Variants in STXBP4 observed in about 807,000 individuals in gnomAD.
STXBP4 encodes syntaxin binding protein 4.
In STXBP4, 55 loss-of-function variants were observed where a neutral mutation model predicts 76.1. The observed-to-expected ratio is 0.72, with a 90% CI of 0.58 to 0.91. The LOEUF (loss-of-function observed/expected upper bound fraction) is 0.91. Ranked by LOEUF, STXBP4 falls within the 40% of genes least tolerant of loss-of-function variation. The pLI, the probability that STXBP4 is intolerant of heterozygous loss-of-function variation, is 0.00. For synonymous variants in STXBP4, 201 were observed against 220.2 expected, an observed-to-expected ratio of 0.91 and a Z score of 0.77; for missense variants, 618 against 636.9, an observed-to-expected ratio of 0.97 and a Z score of 0.32.
the STXBP4 span, among the ~76,000 whole-genome samples, chr17:55,212,566 G>A: frequency 6.6e-6 from 1 of 151,976 alleles, no homozygotes; most frequent in South Asian, 2.1e-4. Context: ...ATTCTCTTTT[G>A]TGTATCTCAG....
At chr17:54,994,758 T>C (rs2077773551) in intron 4 of STXBP4, among the ~76,000 whole-genome samples, 1 of 152,046 alleles carries the variant, frequency 6.6e-6, no homozygotes, top group Non-Finnish European at 1.5e-5. Context: ...TCTCCATCAC[T>C]ATGCTTCCAG....
intron 17 of STXBP4, among the ~76,000 whole-genome samples, chr17:55,159,554 G>A (rs1157496894): frequency 1.3e-5 from 2 of 152,206 alleles, no homozygotes; most frequent in East Asian, 1.9e-4. Context: ...ATACTGAAAC[G>A]AAAGGAGTTA....
In STXBP4 at chr17:55,159,797, T is replaced by A. The variant is rs1471174226; in HGVS notation, c.1548T>A (p.Asn516Lys). 7.5e-6 allele frequency: 12 copies of A among 1,596,098 alleles called. No individual in the cohort carries two copies. The highest frequency in any genetic ancestry group is 1.0e-5 in the Non-Finnish European group (12 of 1,164,522). ...TAATTGCATTCTTGTTCTTCTCAAG[T>A]CATGTAACACAGACTACATCCTGGA... ...YTADGIKYFI[N>K]HVTQTTSWIH... Residue 516 changes from asparagine (N) to lysine (K), a missense_variant and splice_region_variant, in exon 18 of 18, where the codon AAT becomes AAA. Coordinates refer to ENST00000376352, the MANE Select transcript of STXBP4 (RefSeq NM_178509.6).
intron 8 of STXBP4, among the ~76,000 whole-genome samples, chr17:55,013,848 G>A (rs1054946917): frequency 2.0e-5 from 3 of 152,156 alleles, no homozygotes; most frequent in Non-Finnish European, 4.4e-5. Context: ...TGGGTTCAAA[G>A]GATCTTCAAA....
chr17:55,118,847 T>C (rs939913931), intron 16 of STXBP4, among the ~76,000 whole-genome samples: 1 of 151,594 alleles, frequency 6.6e-6, no homozygotes, highest in African/African-American at 2.4e-5. Context: ...GATAGTAATT[T>C]TTTAAAATTT....
intron 12 of STXBP4, among the ~76,000 whole-genome samples, chr17:55,057,769 G>GT (rs2078947209): frequency 6.6e-6 from 1 of 152,074 alleles, no homozygotes; most frequent in African/African-American, 2.4e-5. Context: ...TGTTCTCATT[G>GT]TTCAACTCTC....
At position 55,173,110 on chromosome 17, in the gene STXBP4, G is replaced by T. The variant is rs1279333616; in HGVS notation, c.*13199G>T. The T allele has an allele frequency of 6.6e-6, 1 of 152,192 alleles. No individual in the cohort carries two copies. Among genetic ancestry groups the T allele is most frequent in the Non-Finnish European group, 1.5e-5 (1 of 68,038 alleles). 9.4% of individuals were successfully genotyped at this position (152,192 alleles called of 1,614,324 possible). On this transcript the variant is annotated 3_prime_UTR_variant, in exon 18 of 18. Transcript: ENST00000376352. ...TAGGATTGGAAATTCCCAGAAAGCT[G>T]TGTCAGCAATGAGATTTGTTTCATT...
rs1171061648 is a variant in STXBP4 at position 55,160,489 on chromosome 17, C to G, written c.*578C>G. ...TTGTCTTTAAACCATACAACATGCCCGTGAAGCTGATCTGGTGGGTATGTT... is the reference window on the plus strand; with the variant it reads ...TTGTCTTTAAACCATACAACATGCCGGTGAAGCTGATCTGGTGGGTATGTT... On this transcript the variant is annotated 3_prime_UTR_variant, in exon 18 of 18. Transcript: ENST00000376352. 6.6e-6 allele frequency: 1 copy of G among 152,518 alleles called. No homozygotes were observed. The highest frequency in any genetic ancestry group is 1.9e-4 in the East Asian group (1 of 5,182). The allele number at this position is 152,518 out of a possible 1,614,324, so 9.4% of individuals were successfully genotyped here.
At chr17:55,193,815 G>GAAAAAA in the STXBP4 span, among the ~76,000 whole-genome samples, 92 of 105,870 alleles carry the variant, frequency 8.7e-4, 3 homozygotes, top group African/African-American at 3.1e-3. Context: ...CCTGATTTCA[G>GAAAAAA]AAAAAAAAAA....
intron 12 of STXBP4, among the ~76,000 whole-genome samples, chr17:55,055,670 A>T (rs1466572463): frequency 6.6e-6 from 1 of 152,174 alleles, no homozygotes; most frequent in Non-Finnish European, 1.5e-5. Context: ...GGCCTACATG[A>T]CCTGCTGTCC....
the STXBP4 span, among the ~76,000 whole-genome samples, chr17:55,184,833 T>A: frequency 4.6e-5 from 7 of 152,198 alleles, no homozygotes; most frequent in African/African-American, 1.7e-4. Context: ...TGTACTAATG[T>A]TAATTTCTAG....
intron 17 of STXBP4, among the ~76,000 whole-genome samples, chr17:55,159,334 G>A (rs916911789): frequency 7.2e-5 from 11 of 152,300 alleles, no homozygotes; most frequent in African/African-American, 2.4e-4. Context: ...TTCATTGAAT[G>A]TTTAGCAAGT....
At chr17:55,157,596 C>T (rs939297142) in intron 17 of STXBP4, among the ~76,000 whole-genome samples, 1 of 152,160 alleles carries the variant, frequency 6.6e-6, no homozygotes, top group Non-Finnish European at 1.5e-5. Context: ...ATGCCTGGGC[C>T]TTGTCACTTT....
intron 17 of STXBP4, among the ~76,000 whole-genome samples, chr17:55,145,150 T>G (rs2080138186): frequency 6.6e-6 from 1 of 152,250 alleles, no homozygotes; most frequent in Non-Finnish European, 1.5e-5. Context: ...TATATGTCTT[T>G]TTTGGAACTA....
rs934639698 is a variant in STXBP4, at chr17:55,146,317, C to T, written c.1547+4950C>T. ...ATTTTCTTACTCAATTTTAGAGCAT[C>T]CTGAATCCAGGAGTGGCTTCACTGG... On this transcript the variant is annotated intron_variant, in intron 17 of 17. Transcript: ENST00000376352. Among the ~76,000 whole-genome samples, 4 of 152,296 alleles carry T rather than the reference C, an allele frequency of 2.6e-5. No homozygotes were observed. In the South Asian group the frequency reaches 8.3e-4, roughly 32 times the overall value.
chr17:55,104,890 T>A (rs899066980), intron 16 of STXBP4, among the ~76,000 whole-genome samples: 1 of 152,224 alleles, frequency 6.6e-6, no homozygotes, highest in Admixed American at 6.5e-5. Flanking sequence ...ATCCATTTCT[T>A]CTAGATTTTC....
chr17:54,969,467 T>G (rs1418862109), intron 1 of STXBP4, among the ~76,000 whole-genome samples: 3 of 152,200 alleles, frequency 2.0e-5, no homozygotes, highest in Admixed American at 6.5e-5. Flanking sequence ...GGTTCTGGAT[T>G]TTTACCCGGG....
chr17:54,977,390 G>A (rs906750426), intron 1 of STXBP4, among the ~76,000 whole-genome samples: 2 of 152,080 alleles, frequency 1.3e-5, no homozygotes, highest in Admixed American at 1.3e-4. Context: ...TTGTCATCAT[G>A]CCCTAAATAA....
At chr17:54,997,215 A>G (rs1242674314) in intron 4 of STXBP4, among the ~76,000 whole-genome samples, 1 of 152,228 alleles carries the variant, frequency 6.6e-6, no homozygotes, top group Non-Finnish European at 1.5e-5. Flanking sequence ...AGGTTCAGAA[A>G]TTCACATGAT....
Sources: allele counts gnomAD v4.1 joint callset (sites outside exome capture counted in the v4.1 genomes callset), GRCh38; gene constraint gnomAD v4.1.1; transcripts MANE v1.5; gene names NCBI Gene and HGNC (gene_info 2026-07-23, HGNC 2026-07-21).